Variants in TLE4 observed in about 807,000 individuals in gnomAD.
The protein encoded by TLE4 is TLE family member 4, transcriptional corepressor, also known as transducin-like enhancer protein 4.
Under a neutral mutation model 92.8 loss-of-function variants are expected in TLE4, and 8 were observed. That is an observed-to-expected ratio of 0.09 (90% CI 0.05 to 0.16). The LOEUF is 0.16. Among genes scored for constraint, TLE4 ranks in the 10% least tolerant of loss-of-function variants. TLE4 has a pLI of 1.00. For missense variants in TLE4, 675 were observed against 997.6 expected (o/e 0.68, Z 4.36); for synonymous variants, 371 against 374.1 (o/e 0.99, Z 0.10).
At chr9:79,632,309 G>C (rs2054499774) in intron 6 of TLE4, among the ~76,000 whole-genome samples, 1 of 152,170 alleles carries the variant, frequency 6.6e-6, no homozygotes, top group Non-Finnish European at 1.5e-5. Context: ...TCCACAAAAG[G>C]TTCCAGTAGG....
At chr9:79,663,965 C>T (rs1167456900) in intron 8 of TLE4, among the ~76,000 whole-genome samples, 1 of 152,200 alleles carries the variant, frequency 6.6e-6, no homozygotes, top group East Asian at 1.9e-4. Flanking sequence ...ATAAAGCGCG[C>T]ACTGGTGGTC....
chr9:79,700,922 T>A (rs1441026361), intron 8 of TLE4, among the ~76,000 whole-genome samples: 2 of 152,138 alleles, frequency 1.3e-5, no homozygotes, highest in Admixed American at 6.6e-5. Flanking sequence ...ATTTGTAGAT[T>A]TATAGGGTCA....
intron 17 of TLE4, 39 bp from the exon 18 acceptor site, chr9:79,722,412 C>T: frequency 6.2e-7 from 1 of 1,609,038 alleles, no homozygotes; most frequent in Non-Finnish European, 8.5e-7. Flanking sequence ...GAAGCGTGTC[C>T]ACTGTGGCCA....
At position 79,716,526 on chromosome 9, in the gene TLE4, C is replaced by T. The variant is rs974314834; in HGVS notation, c.1341-2196C>T. 3.3e-5 allele frequency among the ~76,000 whole-genome samples: 5 copies of T among 152,170 alleles called. No homozygotes were observed. In the East Asian group the frequency reaches 9.6e-4, roughly 29 times the overall value. On this transcript the variant is annotated intron_variant, in intron 14 of 19. Coordinates refer to ENST00000376552, the MANE Select transcript of TLE4 (RefSeq NM_007005.6). Reference sequence around the variant, plus strand: ...ACTAGTGGAAGGATAGGGACTTTGTCAGTATTGTTCACCTGATTCCCCAGC... The same window carrying T: ...ACTAGTGGAAGGATAGGGACTTTGTTAGTATTGTTCACCTGATTCCCCAGC...
chr9:79,652,875 C>G, intron 7 of TLE4, 81 bp downstream of exon 7: 1 of 1,434,520 alleles, frequency 7.0e-7, no homozygotes, highest in Non-Finnish European at 9.8e-7. Flanking sequence ...TGTTTATTCT[C>G]TCTGAATTTA....
chr9:79,610,256 C>A (rs1364045179), intron 4 of TLE4, among the ~76,000 whole-genome samples: 1 of 152,052 alleles, frequency 6.6e-6, no homozygotes, highest in Admixed American at 6.6e-5. Context: ...ACAGCAATAA[C>A]CTACATCCTT....
chr9:79,643,444 A>G (rs2057542932), intron 6 of TLE4, among the ~76,000 whole-genome samples: 1 of 152,230 alleles, frequency 6.6e-6, no homozygotes, highest in African/African-American at 2.4e-5. Context: ...TGTCCTTAAT[A>G]GCACTTTTTT....
At chr9:79,706,716 T>C (rs973975053) in intron 10 of TLE4, 31 bp from the exon 11 acceptor site, 3 of 1,602,382 alleles carry the variant, frequency 1.9e-6, no homozygotes, top group Middle Eastern at 3.4e-4. Flanking sequence ...TGTGCTGTGC[T>C]TGCATTACTG....
intron 8 of TLE4, among the ~76,000 whole-genome samples, chr9:79,702,777 T>C (rs2070325642): frequency 6.6e-6 from 1 of 152,022 alleles, no homozygotes; most frequent in Non-Finnish European, 1.5e-5. Flanking sequence ...GTCCCATCTC[T>C]CTCCCCCACC....
chr9:79,701,579 T>C (rs1471989990), intron 8 of TLE4, among the ~76,000 whole-genome samples: 1 of 152,174 alleles, frequency 6.6e-6, no homozygotes, highest in Non-Finnish European at 1.5e-5. Context: ...TTTTGTAAAA[T>C]ATGAAATTAG....
At chr9:79,578,305 G>C (rs968159889) in intron 4 of TLE4, among the ~76,000 whole-genome samples, 2 of 152,130 alleles carry the variant, frequency 1.3e-5, no homozygotes, top group African/African-American at 4.8e-5. Flanking sequence ...TGTCTCGAAG[G>C]GTTCAACAGT....
chr9:79,578,511 G>A (rs2038650306), intron 4 of TLE4, among the ~76,000 whole-genome samples: 1 of 152,170 alleles, frequency 6.6e-6, no homozygotes, highest in Non-Finnish European at 1.5e-5. Flanking sequence ...TTAGCAAACT[G>A]ATAAAAAGAT....
intron 4 of TLE4, among the ~76,000 whole-genome samples, chr9:79,604,259 C>T (rs1474233020): frequency 6.6e-6 from 1 of 152,058 alleles, no homozygotes; most frequent in Admixed American, 6.6e-5. Flanking sequence ...AGTGCAAATG[C>T]TAGGAAGAGG....
chr9:79,663,478 G>T (rs1160540972), intron 8 of TLE4: 1 of 152,232 alleles, frequency 6.6e-6, no homozygotes, highest in African/African-American at 2.4e-5. Flanking sequence ...GCTGCAGAGA[G>T]TTCTATTGGA....
intron 19 of TLE4, 114 bp downstream of exon 19, chr9:79,723,149 A>G (rs2075899204): frequency 2.1e-6 from 2 of 967,158 alleles, no homozygotes; most frequent in African/African-American, 1.6e-5. Context: ...AGTATTATGC[A>G]CATTGTACAG....
At chr9:79,669,903 CA>C in intron 8 of TLE4, among the ~76,000 whole-genome samples, 1 of 152,102 alleles carries the variant, frequency 6.6e-6, no homozygotes. Flanking sequence ...GTGCTCCACT[CA>C]AAAAAGTTAC....
intron 10 of TLE4, 94 bp from the exon 11 acceptor site, chr9:79,706,653 A>G (rs2071659341): frequency 6.8e-7 from 1 of 1,464,986 alleles, no homozygotes; most frequent in East Asian, 2.3e-5. Context: ...CTAAGCATGC[A>G]TTAAATGCTT....
chr9:79,650,489 T>G (rs541116302), intron 6 of TLE4, among the ~76,000 whole-genome samples: 1 of 152,298 alleles, frequency 6.6e-6, no homozygotes, highest in African/African-American at 2.4e-5. Context: ...GCTATTTCTG[T>G]TTTTGAAACA....
At chr9:79,647,455 CT>C (rs2058267420) in intron 6 of TLE4, among the ~76,000 whole-genome samples, 1 of 152,140 alleles carries the variant, frequency 6.6e-6, no homozygotes, top group South Asian at 2.1e-4. Context: ...GCACCAAGTT[CT>C]GTATGTTCGA....
Sources: allele counts gnomAD v4.1 joint callset (sites outside exome capture counted in the v4.1 genomes callset), GRCh38; gene constraint gnomAD v4.1.1; transcripts MANE v1.5; gene names NCBI Gene and HGNC (gene_info 2026-07-23, HGNC 2026-07-21).